CAMTA1: variants seen among roughly 807,000 people sequenced by gnomAD.
CAMTA1 encodes the protein calmodulin-binding transcription activator 1.
CAMTA1 carries 27 observed loss-of-function variants against 170.9 expected under a neutral mutation model. That is an observed-to-expected ratio of 0.16 (90% CI 0.12 to 0.22). The LOEUF is 0.22. Ranked by LOEUF, CAMTA1 falls within the 10% of genes least tolerant of loss-of-function variation. The pLI, the probability that CAMTA1 is intolerant of heterozygous loss-of-function variation, is 1.00. For missense variants in CAMTA1, 1,619 were observed against 2,217.2 expected (o/e 0.73, Z 5.42); for synonymous variants, 833 against 891.5 (o/e 0.93, Z 1.17).
chr1:7,440,410 C>G (rs2149403841), intron 5 of CAMTA1, among the ~76,000 whole-genome samples: 1 of 152,374 alleles, frequency 6.6e-6, no homozygotes, highest in East Asian at 1.9e-4. Context: ...CAGACAGCAG[C>G]CTGGGAAGGA....
intron 5 of CAMTA1, among the ~76,000 whole-genome samples, chr1:7,340,479 C>T (rs976124028): frequency 1.3e-5 from 2 of 151,904 alleles, no homozygotes; most frequent in African/African-American, 2.4e-5. Context: ...TAGGGGAGGG[C>T]CCAGGAAGTA....
chr1:6,820,098 G>A (rs1280352201), intron 1 of CAMTA1, 83 bp from the exon 2 acceptor site: 4 of 822,410 alleles, frequency 4.9e-6, no homozygotes, highest in Non-Finnish European at 8.4e-6. Context: ...TTCAGGTTTT[G>A]CATCTTGGCA....
chr1:7,426,020 A>G lies in CAMTA1; in HGVS notation c.439-41810A>G, dbSNP rs547530837. Among the ~76,000 whole-genome samples the G allele has an allele frequency of 1.3e-5, 2 of 152,246 alleles. No individual in the cohort carries two copies. The highest frequency in any genetic ancestry group is 4.1e-4 in the South Asian group (2 of 4,822). On this transcript the variant is annotated intron_variant, in intron 5 of 22. Coordinates refer to ENST00000303635, the MANE Select transcript of CAMTA1 (RefSeq NM_015215.4). This position sits in a 1 kb window ranked among gnomAD's most constrained non-coding sequence, Gnocchi z 4.8. ...GAGGCTGCAGTGACTGGCACTACAC[A>G]TGCTTGAGATCACAGGTGAGCTGCG...
chr1:7,417,189 G>T (rs1225229994), intron 5 of CAMTA1, among the ~76,000 whole-genome samples: 1 of 152,214 alleles, frequency 6.6e-6, no homozygotes, highest in Non-Finnish European at 1.5e-5. Flanking sequence ...TGCCCCTACT[G>T]GGGGGTGCCT....
chr1:6,863,883 A>G (rs1167798192), intron 3 of CAMTA1, among the ~76,000 whole-genome samples: 1 of 152,124 alleles, frequency 6.6e-6, no homozygotes, highest in Non-Finnish European at 1.5e-5. Flanking sequence ...TAGTTGTCAT[A>G]TATCTTCTTA....
At chr1:7,515,448 C>T (rs985718960) in intron 6 of CAMTA1, among the ~76,000 whole-genome samples, 1 of 152,222 alleles carries the variant, frequency 6.6e-6, no homozygotes, top group Admixed American at 6.5e-5. Flanking sequence ...CCAATTTCCT[C>T]ATGGGCTTAT....
intron 11 of CAMTA1, chr1:7,698,873 A>C (rs1320328954): frequency 6.6e-6 from 1 of 152,256 alleles, no homozygotes; most frequent in Non-Finnish European, 1.5e-5. Context: ...CCCCTGTGCC[A>C]GTCTCATCTC....
chr1:7,340,026 C>T (rs2083679392), intron 5 of CAMTA1, among the ~76,000 whole-genome samples: 1 of 152,182 alleles, frequency 6.6e-6, no homozygotes, highest in African/African-American at 2.4e-5. Flanking sequence ...ACACTCTATC[C>T]CAGGAATCAG....
At chr1:7,756,105 A>C (rs72632044) in intron 22 of CAMTA1, among the ~76,000 whole-genome samples, 7,230 of 151,624 alleles carry the variant, frequency 0.048, 263 homozygotes, top group South Asian at 0.076. Flanking sequence ...AAGGAGGCTC[A>C]CTAGGAGGTC....
chr1:7,290,526 G>A (rs1290547650), intron 5 of CAMTA1, among the ~76,000 whole-genome samples: 1 of 152,124 alleles, frequency 6.6e-6, no homozygotes, highest in Non-Finnish European at 1.5e-5. Flanking sequence ...CCATACCTCT[G>A]GGTCTCTGTT....
intron 5 of CAMTA1, among the ~76,000 whole-genome samples, chr1:7,266,389 T>G (rs1422913226): frequency 6.6e-6 from 1 of 152,212 alleles, no homozygotes; most frequent in Non-Finnish European, 1.5e-5. Flanking sequence ...CTTTCCCTCA[T>G]AAGACTTGGG....
intron 3 of CAMTA1, among the ~76,000 whole-genome samples, chr1:7,073,437 TG>T (rs1185334213): frequency 6.6e-6 from 1 of 152,162 alleles, no homozygotes; most frequent in African/African-American, 2.4e-5. Flanking sequence ...TTTAAAGTTC[TG>T]AGTCTGGGTG....
intron 3 of CAMTA1, among the ~76,000 whole-genome samples, chr1:7,030,985 C>T (rs1356946975): frequency 6.7e-6 from 1 of 150,098 alleles, no homozygotes; most frequent in Non-Finnish European, 1.5e-5. Context: ...CAGGCGCTCG[C>T]CACCATGCCC....
intron 4 of CAMTA1, among the ~76,000 whole-genome samples, chr1:7,126,915 C>T (rs1383271075): frequency 3.9e-5 from 6 of 152,110 alleles, no homozygotes; most frequent in African/African-American, 1.2e-4. Context: ...GGACTACAGG[C>T]GCCCGCCACC....
intron 3 of CAMTA1, among the ~76,000 whole-genome samples, chr1:6,946,526 G>A (rs537068707): frequency 6.6e-6 from 1 of 152,258 alleles, no homozygotes; most frequent in South Asian, 2.1e-4. Context: ...ATCCTACTGG[G>A]TATGAGGTGG....
At chr1:7,746,704 C>A (rs1197559677) in intron 18 of CAMTA1, among the ~76,000 whole-genome samples, 2 of 152,204 alleles carry the variant, frequency 1.3e-5, no homozygotes, top group East Asian at 1.9e-4. Flanking sequence ...GTGGTGCAAT[C>A]TCTGCTCACT....
Position 7,536,686 on chromosome 1 carries a change from CTGGGCTGAGGTG to C in CAMTA1, c.510+68789_510+68800del, listed in dbSNP as rs369802854. Among the ~76,000 whole-genome samples, 148 of 152,290 alleles carry C rather than the reference CTGGGCTGAGGTG, an allele frequency of 9.7e-4. 1 individual carries two copies. The highest frequency in any genetic ancestry group is 3.2e-3 in the African/African-American group (131 of 41,548). ...TGTGAAGGGCTGCCTCCATGGTGCA[CTGGGCTGAGGTG>C]TGGACGCAGGGCTTTCTGCACGGCA... On this transcript the variant is annotated intron_variant, in intron 6 of 22. Transcript: ENST00000303635.
At chr1:6,826,912 AC>A (rs1214347823) in intron 3 of CAMTA1, among the ~76,000 whole-genome samples, 1 of 152,206 alleles carries the variant, frequency 6.6e-6, no homozygotes, top group Non-Finnish European at 1.5e-5. Flanking sequence ...TTTCAGCATA[AC>A]CCTTCAACTT....
chr1:6,825,927 G>C (rs1647049164), intron 3 of CAMTA1, among the ~76,000 whole-genome samples: 1 of 152,114 alleles, frequency 6.6e-6, no homozygotes, highest in Non-Finnish European at 1.5e-5. Flanking sequence ...GATGAGAATT[G>C]GGTATACGTC....
Sources: allele counts gnomAD v4.1 joint callset (sites outside exome capture counted in the v4.1 genomes callset), GRCh38; gene constraint gnomAD v4.1.1; non-coding constraint Gnocchi (gnomAD v3.1); transcripts MANE v1.5; gene names NCBI Gene and HGNC (gene_info 2026-07-23, HGNC 2026-07-21).